Variants in NOL10 observed in about 807,000 individuals in gnomAD.
NOL10 encodes the protein H_NH0074G24.1.
Under a neutral mutation model 103.5 loss-of-function variants are expected in NOL10, and 58 were observed. The observed-to-expected ratio is 0.56, with a 90% CI of 0.45 to 0.70. The LOEUF (loss-of-function observed/expected upper bound fraction) is 0.70. NOL10 is among the 30% of genes least tolerant of loss of function. The pLI, the probability that NOL10 is intolerant of heterozygous loss-of-function variation, is 0.00. For synonymous variants in NOL10, 287 were observed against 282.5 expected, an observed-to-expected ratio of 1.02 and a Z score of -0.16; for missense variants, 763 against 807.3, an observed-to-expected ratio of 0.95 and a Z score of 0.67.
chr2:10,676,647 T>TC (rs1681329196), intron 3 of NOL10, among the ~76,000 whole-genome samples: 1 of 151,554 alleles, frequency 6.6e-6, no homozygotes, highest in Admixed American at 6.6e-5. Flanking sequence ...TCTTTTTTTT[T>TC]TTTTTTTTGA....
chr2:10,682,242 GT>G (rs906066962), intron 2 of NOL10, among the ~76,000 whole-genome samples, 173 bp from the exon 3 acceptor site: 1 of 151,894 alleles, frequency 6.6e-6, no homozygotes, highest in Middle Eastern at 3.4e-3. Context: ...AACAGCAGAG[GT>G]TTTTTCCTTA....
chr2:10,649,160 G>A lies in NOL10; in HGVS notation c.974-4788C>T, dbSNP rs78967913. ...GGTGAGTGCCACCATGTCTGCAGCTGGCTTTCGAGTGATTCCACAAAGAAA... is the reference window on the plus strand; with the variant it reads ...GGTGAGTGCCACCATGTCTGCAGCTAGCTTTCGAGTGATTCCACAAAGAAA... On this transcript the variant is annotated intron_variant, in intron 12 of 20. Transcript: ENST00000381685. Among the ~76,000 whole-genome samples, 78 of 152,054 alleles carry A rather than the reference G, an allele frequency of 5.1e-4. 2 individuals carry two copies. The East Asian group carries it at 0.014, about 26-fold the overall frequency.
intron 20 of NOL10, among the ~76,000 whole-genome samples, chr2:10,574,583 C>T (rs1340444918): frequency 1.4e-5 from 2 of 144,582 alleles, no homozygotes; most frequent in Admixed American, 7.2e-5. Flanking sequence ...GGAGGTGGAG[C>T]GTGCATTGAG....
chr2:10,662,740 C>A (rs540883014), intron 9 of NOL10, among the ~76,000 whole-genome samples: 4 of 152,204 alleles, frequency 2.6e-5, no homozygotes, highest in African/African-American at 9.6e-5. Flanking sequence ...TAAAATCGTA[C>A]AGCAACTAAA....
intron 12 of NOL10, among the ~76,000 whole-genome samples, chr2:10,645,819 G>GC (rs1679027052): frequency 6.6e-6 from 1 of 151,804 alleles, no homozygotes; most frequent in Non-Finnish European, 1.5e-5. Context: ...ATGAGCCACC[G>GC]CATCTGGCCT....
chr2:10,624,027 T>C (rs1288251924), intron 13 of NOL10, among the ~76,000 whole-genome samples: 3 of 152,172 alleles, frequency 2.0e-5, no homozygotes, highest in African/African-American at 7.2e-5. Flanking sequence ...GATTTCCCTT[T>C]ACCTCCTTCC....
At chr2:10,591,806 C>T (rs1166981827) in intron 17 of NOL10, among the ~76,000 whole-genome samples, 1 of 152,004 alleles carries the variant, frequency 6.6e-6, no homozygotes, top group East Asian at 1.9e-4. Context: ...AAGTTCAAGA[C>T]CAGCCTGGGC....
chr2:10,606,584 A>G (rs6759100), intron 14 of NOL10, among the ~76,000 whole-genome samples: 86,492 of 146,404 alleles, frequency 0.59, 26,475 homozygotes, highest in African/African-American at 0.74. Flanking sequence ...CTGCAGCCTG[A>G]GTGACACAGC....
intron 13 of NOL10, among the ~76,000 whole-genome samples, chr2:10,638,786 C>A (rs1437113175): frequency 7.4e-6 from 1 of 134,974 alleles, no homozygotes. Flanking sequence ...AGCCACCGTG[C>A]CTGGCCTTTT....
At chr2:10,624,514 TA>T (rs1014896336) in intron 13 of NOL10, among the ~76,000 whole-genome samples, 1 of 151,406 alleles carries the variant, frequency 6.6e-6, no homozygotes, top group African/African-American at 2.4e-5. Flanking sequence ...TGCCATAGAT[TA>T]AAAAAAATAA....
intron 8 of NOL10, among the ~76,000 whole-genome samples, chr2:10,663,951 CAAA>C (rs76582435): frequency 8.5e-6 from 1 of 117,212 alleles, no homozygotes; most frequent in Admixed American, 8.7e-5. Context: ...ACTCCGTCTC[CAAA>C]AAAAAAAAAA....
At chr2:10,622,710 G>A (rs1248336170) in intron 13 of NOL10, among the ~76,000 whole-genome samples, 1 of 152,088 alleles carries the variant, frequency 6.6e-6, no homozygotes, top group African/African-American at 2.4e-5. Context: ...TATTCAAAGT[G>A]TAGATAATAA....
At position 10,675,831 on chromosome 2, in the gene NOL10, T is replaced by C. The variant is rs754020076; in HGVS notation, c.252A>G (p.Gln84=). 21 of 1,582,872 alleles carry C rather than the reference T, an allele frequency of 1.3e-5. No homozygotes were observed. The highest frequency in any genetic ancestry group is 5.3e-5 in the Admixed American group (3 of 56,254). ...KPRVRCYDTY[Q]LSLKFERCLD... ...AACACCTTTCAAACTTCAAGGATAA[T>C]TGATAGGTGTCATAACATCGAACCC... Residue 84 remains glutamine, a synonymous_variant, in exon 4 of 21, where the codon CAA becomes CAG. Transcript: ENST00000381685.
chr2:10,687,658 A>C (rs1370881278), intron 1 of NOL10, among the ~76,000 whole-genome samples: 2 of 152,222 alleles, frequency 1.3e-5, no homozygotes, highest in East Asian at 3.9e-4. Flanking sequence ...AATGTTCACT[A>C]TTGAAAATAA....
intron 14 of NOL10, among the ~76,000 whole-genome samples, chr2:10,604,366 C>T (rs1254798458): frequency 6.6e-6 from 1 of 152,016 alleles, no homozygotes; most frequent in Admixed American, 6.6e-5. Flanking sequence ...CAAAATCATA[C>T]AGTAGTATAA....
intron 16 of NOL10, among the ~76,000 whole-genome samples, chr2:10,602,321 C>A (rs559587001): frequency 1.1e-4 from 16 of 152,334 alleles, no homozygotes; most frequent in Middle Eastern, 3.4e-3. Context: ...TTCTCCAATA[C>A]CAAGTTAATC....
At chr2:10,637,720 CAT>C (rs1678359502) in intron 13 of NOL10, among the ~76,000 whole-genome samples, 2 of 152,164 alleles carry the variant, frequency 1.3e-5, no homozygotes, top group Non-Finnish European at 2.9e-5. Context: ...CTTCTTAACA[CAT>C]AGTGTCCTCT....
chr2:10,665,107 T>A (rs1680490055), intron 8 of NOL10, among the ~76,000 whole-genome samples: 3 of 152,342 alleles, frequency 2.0e-5, no homozygotes, highest in Non-Finnish European at 1.5e-5. Flanking sequence ...AATCTTTTAA[T>A]ATTATTACAA....
At chr2:10,621,665 C>T (rs1033287955) in intron 13 of NOL10, among the ~76,000 whole-genome samples, 2 of 152,056 alleles carry the variant, frequency 1.3e-5, no homozygotes, top group Non-Finnish European at 2.9e-5. Context: ...ACAGTAAGGT[C>T]GACAGATACC....
Sources: allele counts gnomAD v4.1 joint callset (sites outside exome capture counted in the v4.1 genomes callset), GRCh38; gene constraint gnomAD v4.1.1; transcripts MANE v1.5; gene names NCBI Gene and HGNC (gene_info 2026-07-23, HGNC 2026-07-21).